CLCN1: variants seen among roughly 807,000 people sequenced by gnomAD.
The protein encoded by CLCN1 is chloride voltage-gated channel 1.
A neutral mutation model predicts 114.5 loss-of-function variants in CLCN1; 100 were observed. That is an observed-to-expected ratio of 0.87 (90% CI 0.74 to 1.03). The LOEUF (loss-of-function observed/expected upper bound fraction) is 1.03, where lower values mean the gene tolerates loss of function less well. Among genes scored for constraint, CLCN1 ranks in the 50% least tolerant of loss-of-function variants. CLCN1 has a pLI of 0.00. For missense variants in CLCN1, 1,188 were observed against 1,250.0 expected (o/e 0.95, Z 0.75); for synonymous variants, 485 against 487.1 (o/e 1.00, Z 0.06).
rs1333207710 is a variant in CLCN1 at position 143,342,003 on chromosome 7, A to T, written c.1657A>T (p.Ile553Phe). The T allele has an allele frequency of 6.2e-7, 1 of 1,614,154 alleles. No individual in the cohort carries two copies. ...GATTTGCTTCGAATTAACGGGTCAGATTGCTCACATCCTGCCCATGATGGT... is the reference window on the plus strand; with the variant it reads ...GATTTGCTTCGAATTAACGGGTCAGTTTGCTCACATCCTGCCCATGATGGT... The part of the protein sequence containing the change: ...AVICFELTGQ[I>F]AHILPMMVAV... The change falls in exon 15 of 23, where the codon ATT becomes TTT. Residue 553 changes from isoleucine to phenylalanine, a missense_variant. Transcript: ENST00000343257.
intron 2 of CLCN1, among the ~76,000 whole-genome samples, chr7:143,320,165 T>A (rs980010813): frequency 6.6e-6 from 1 of 152,142 alleles, no homozygotes; most frequent in African/African-American, 2.4e-5. Flanking sequence ...ATTTTAAAAC[T>A]TTTTTTGTAA....
rs140664749 is a variant in CLCN1, at chr7:143,331,239, C to T, written c.987C>T (p.Ile329=). 162 of 1,610,074 alleles carry T rather than the reference C, an allele frequency of 1.0e-4. No homozygotes were observed. In the Middle Eastern group the frequency reaches 1.3e-3, roughly 13 times the overall value. ...LAVWNKDAVT[I]TALFRTNFRM... Reference sequence around the variant, plus strand: ...GGCCTTTCCATCCTACAGTCACCATCACTGCTCTGTTCAGAACCAATTTCC... The same window carrying T: ...GGCCTTTCCATCCTACAGTCACCATTACTGCTCTGTTCAGAACCAATTTCC... The change falls in exon 9 of 23, where the codon ATC becomes ATT. Residue 329 remains isoleucine (I), a synonymous_variant. Transcript: ENST00000343257.
At chr7:143,318,818 G>A (rs937542106) in intron 1 of CLCN1, among the ~76,000 whole-genome samples, 16 of 152,134 alleles carry the variant, frequency 1.1e-4, no homozygotes, top group Non-Finnish European at 1.8e-4. Flanking sequence ...TGCCTCCCTC[G>A]GTCACTGACC....
intron 16 of CLCN1, 121 bp from the exon 17 acceptor site, chr7:143,345,400 G>A: frequency 7.9e-7 from 1 of 1,268,914 alleles, no homozygotes; most frequent in Non-Finnish European, 1.1e-6. Context: ...CCAGGAAGCT[G>A]AGAAAGATGT....
chr7:143,351,236 G>A (rs1211417004), intron 22 of CLCN1, among the ~76,000 whole-genome samples: 1 of 152,060 alleles, frequency 6.6e-6, no homozygotes, highest in Non-Finnish European at 1.5e-5. Context: ...GTGTGGGTTT[G>A]AGATGGGGGT....
intron 1 of CLCN1, 102 bp downstream of exon 1, chr7:143,316,494 A>T: frequency 1.8e-6 from 2 of 1,095,828 alleles, no homozygotes; most frequent in Non-Finnish European, 2.7e-6. Flanking sequence ...GAGCAGTGTT[A>T]CATTTTTTTA....
chr7:143,333,785 A>G (rs1802796725), intron 12 of CLCN1, among the ~76,000 whole-genome samples: 1 of 152,232 alleles, frequency 6.6e-6, no homozygotes, highest in African/African-American at 2.4e-5. Context: ...TCAACTAGGC[A>G]ATAAAAGATG....
chr7:143,316,163 G>T lies in CLCN1; in HGVS notation c.-50G>T. On this transcript the variant is annotated 5_prime_UTR_variant, in exon 1 of 23. In the 5' UTR this introduces an upstream ATG that the reference lacks. Coordinates refer to ENST00000343257, the MANE Select transcript of CLCN1 (RefSeq NM_000083.3). The stretch of plus-strand genomic sequence containing the variant: ...GGCTTAAGGAGCTACACTGGGGGAA[G>T]GACAGGGGCAAGCAGGCCAAGGCCT... 6.7e-7 allele frequency: 1 copy of T among 1,486,690 alleles called. No homozygotes were observed. Among genetic ancestry groups the T allele is most frequent in the South Asian group, 1.1e-5 (1 of 88,758 alleles). The allele number at this position is 1,486,690 out of a possible 1,614,324, so 92.1% of individuals were successfully genotyped here.
chr7:143,319,016 G>T (rs1405640618), intron 1 of CLCN1, among the ~76,000 whole-genome samples: 1 of 152,192 alleles, frequency 6.6e-6, no homozygotes, highest in Non-Finnish European at 1.5e-5. Flanking sequence ...CAGGCTAAAA[G>T]TGGTTGGAGC....
At chr7:143,327,457 G>A (rs936500070) in intron 7 of CLCN1, among the ~76,000 whole-genome samples, 1 of 152,122 alleles carries the variant, frequency 6.6e-6, no homozygotes, top group African/African-American at 2.4e-5. Context: ...GATATGGCCA[G>A]CTTTGAGTGT....
chr7:143,333,960 T>C (rs1485896305), intron 12 of CLCN1, among the ~76,000 whole-genome samples: 1 of 152,210 alleles, frequency 6.6e-6, no homozygotes, highest in Non-Finnish European at 1.5e-5. Context: ...ATGCCTATAT[T>C]CCCAGCACTT....
At chr7:143,337,807 CTTTTTTTTTTTTTTTTT>C (rs869078445) in intron 12 of CLCN1, among the ~76,000 whole-genome samples, 13 of 46,074 alleles carry the variant, frequency 2.8e-4, no homozygotes, top group South Asian at 2.0e-3. Flanking sequence ...TTTCTCAATT[CTTTTTTTTTTTTTTTTT>C]TTTTTTTTTT....
intron 17 of CLCN1, 65 bp downstream of exon 17, chr7:143,345,827 G>T (rs1803227773): frequency 7.1e-6 from 11 of 1,546,832 alleles, no homozygotes; most frequent in Non-Finnish European, 9.7e-6. Flanking sequence ...GCGTCGTCTG[G>T]GCTGGGCTGG....
In CLCN1 at chr7:143,350,843, TCTC is replaced by T. The variant is rs1194184948; in HGVS notation, c.2595+190_2595+192del. ...CCCAGGCTGGAGTGCAGTGGCGTGATCTCAGCTCACTGCAACCTCCGCCTCCCG... is the reference window on the plus strand; with the variant it reads ...CCCAGGCTGGAGTGCAGTGGCGTGATAGCTCACTGCAACCTCCGCCTCCCG... On this transcript the variant is annotated intron_variant, in intron 22 of 22. Transcript: ENST00000343257. This position sits in a 1 kb window ranked among gnomAD's most constrained non-coding sequence, Gnocchi z 5.1. Among the ~76,000 whole-genome samples, 1 of 151,642 alleles carries T rather than the reference TCTC, an allele frequency of 6.6e-6. No individual in the cohort carries two copies. The highest frequency in any genetic ancestry group is 1.5e-5 in the Non-Finnish European group (1 of 67,896).
rs188773888 is a variant in CLCN1, at chr7:143,323,850, C to T, written c.774+464C>T. Reference sequence around the variant, plus strand: ...CCTGGGCAGCTTGACCTCCTGGTGTCGGCCTGTGCAGTGGGCGTGGGATGC... The same window carrying T: ...CCTGGGCAGCTTGACCTCCTGGTGTTGGCCTGTGCAGTGGGCGTGGGATGC... On this transcript the variant is annotated intron_variant, in intron 6 of 22. Transcript: ENST00000343257. 1,803 of 473,466 alleles carry T rather than the reference C, an allele frequency of 3.8e-3. 11 individuals are homozygous for T. The highest frequency in any genetic ancestry group is 6.0e-3 in the Non-Finnish European group (1,364 of 229,004). The allele number at this position is 473,466 out of a possible 1,614,324, so 29.3% of individuals were successfully genotyped here.
At chr7:143,320,584 T>C (rs1802400060) in intron 2 of CLCN1, 80 bp from the exon 3 acceptor site, 2 of 1,198,502 alleles carry the variant, frequency 1.7e-6, no homozygotes, top group Admixed American at 3.9e-5. Context: ...TCTCTCTCTC[T>C]CTGTCTCTAC....
At chr7:143,327,481 T>C (rs1461389973) in intron 7 of CLCN1, among the ~76,000 whole-genome samples, 1 of 152,094 alleles carries the variant, frequency 6.6e-6, no homozygotes, top group East Asian at 1.9e-4. Flanking sequence ...CCCAATCCCT[T>C]TGTCAGATGT....
chr7:143,350,298 T>C lies in CLCN1; in HGVS notation c.2404-74T>C, dbSNP rs990852938. 107 of 1,193,472 alleles carry C rather than the reference T, an allele frequency of 9.0e-5. No individual in the cohort carries two copies. The highest frequency in any genetic ancestry group is 1.2e-4 in the Non-Finnish European group (99 of 812,804). 73.9% of individuals were successfully genotyped at this position (1,193,472 alleles called of 1,614,324 possible). A position where few individuals can be genotyped will look rare whatever the true frequency, so the allele number is the denominator to read the frequency against. On this transcript the variant is annotated intron_variant, in intron 20 of 22. Coordinates refer to ENST00000343257, the MANE Select transcript of CLCN1 (RefSeq NM_000083.3). This position sits in a 1 kb window ranked among gnomAD's most constrained non-coding sequence, Gnocchi z 5.1. ...TCTGGGCAGCGGCTAGGAGGGCCGT[T>C]TGGGGTCAAAATCAGGTATCTGGGG...
At chr7:143,316,638 A>G (rs1330237979) in intron 1 of CLCN1, among the ~76,000 whole-genome samples, 1 of 152,192 alleles carries the variant, frequency 6.6e-6, no homozygotes, top group Non-Finnish European at 1.5e-5. Context: ...CCCAAATCAT[A>G]TGGGGAAACA....
Sources: allele counts gnomAD v4.1 joint callset (sites outside exome capture counted in the v4.1 genomes callset), GRCh38; gene constraint gnomAD v4.1.1; non-coding constraint Gnocchi (gnomAD v3.1); transcripts MANE v1.5; gene names NCBI Gene and HGNC (gene_info 2026-07-23, HGNC 2026-07-21).